AFG2B: variants seen among roughly 807,000 people sequenced by gnomAD.
The protein encoded by AFG2B is ATPase family gene 2 protein homolog B.
chr15:45,411,450 T>TG, the AFG2B span, among the ~76,000 whole-genome samples: 1 of 152,130 alleles, frequency 6.6e-6, no homozygotes, highest in Non-Finnish European at 1.5e-5. Context: ...ACCAAGTAGC[T>TG]GGGACTACAG....
At chr15:45,420,467 C>T in the AFG2B span, among the ~76,000 whole-genome samples, 1 of 152,196 alleles carries the variant, frequency 6.6e-6, no homozygotes, top group African/African-American at 2.4e-5. Flanking sequence ...TTTAAAAATA[C>T]ATATGGGTTC....
the AFG2B span, among the ~76,000 whole-genome samples, chr15:45,409,434 A>G: frequency 6.6e-6 from 1 of 151,774 alleles, no homozygotes; most frequent in African/African-American, 2.4e-5. Context: ...GAGAGAACAC[A>G]GCTTCATATT....
At chr15:45,406,546 A>G in the AFG2B span, among the ~76,000 whole-genome samples, 2 of 152,192 alleles carry the variant, frequency 1.3e-5, no homozygotes, top group Non-Finnish European at 2.9e-5. Context: ...TTTCCTAACA[A>G]TATTTAAGAT....
chr15:45,412,190 C>T, the AFG2B span, among the ~76,000 whole-genome samples: 2 of 151,856 alleles, frequency 1.3e-5, no homozygotes, highest in Non-Finnish European at 2.9e-5. Flanking sequence ...ATCACGAGGT[C>T]AGGAGTTCAA....
the AFG2B span, among the ~76,000 whole-genome samples, chr15:45,404,149 A>T: frequency 6.6e-6 from 1 of 152,174 alleles, no homozygotes; most frequent in South Asian, 2.1e-4. Context: ...GAACAGTTTG[A>T]AATTTAGTGA....
At chr15:45,407,865 G>A in the AFG2B span, among the ~76,000 whole-genome samples, 2 of 152,128 alleles carry the variant, frequency 1.3e-5, no homozygotes, top group African/African-American at 4.8e-5. Flanking sequence ...AAAAAAATGT[G>A]TTTCACTAGA....
the AFG2B span, chr15:45,418,438 C>T: frequency 2.1e-6 from 2 of 948,076 alleles, no homozygotes; most frequent in Non-Finnish European, 3.0e-6. Context: ...TCTTTCTAAC[C>T]CCTATATATA....
the AFG2B span, chr15:45,402,368 G>A: frequency 1.9e-6 from 3 of 1,550,834 alleles, no homozygotes; most frequent in South Asian, 1.2e-5. Context: ...TCGGTGTTCC[G>A]CTTTTTGTGG....
At chr15:45,417,322 C>T in the AFG2B span, 3 of 1,613,944 alleles carry the variant, frequency 1.9e-6, no homozygotes, top group Admixed American at 5.0e-5. Flanking sequence ...AACAAATAGA[C>T]CTGATGTGTT....
chr15:45,405,281 A>G, the AFG2B span: 5 of 1,562,452 alleles, frequency 3.2e-6, no homozygotes, highest in South Asian at 1.1e-5. Context: ...TTTAAACTAT[A>G]TACTTCTTCT....
At chr15:45,402,504 C>T in the AFG2B span, 2 of 1,608,522 alleles carry the variant, frequency 1.2e-6, no homozygotes, top group Non-Finnish European at 1.7e-6. Flanking sequence ...GAGACCGGGG[C>T]ACCCAGCGCT....
At chr15:45,420,486 C>T in the AFG2B span, among the ~76,000 whole-genome samples, 1 of 152,156 alleles carries the variant, frequency 6.6e-6, no homozygotes, top group South Asian at 2.1e-4. Flanking sequence ...TCATAAAATA[C>T]ATATTAATCT....
At chr15:45,409,577 G>A in the AFG2B span, among the ~76,000 whole-genome samples, 22 of 151,498 alleles carry the variant, frequency 1.5e-4, no homozygotes, top group African/African-American at 5.3e-4. Flanking sequence ...ACTTGAACAT[G>A]AGTTTGAACA....
chr15:45,402,951 C>A, the AFG2B span: 1 of 1,597,466 alleles, frequency 6.3e-7, no homozygotes, highest in South Asian at 1.1e-5. Context: ...GTCCCGATCC[C>A]GCTGGGCTGG....
At chr15:45,404,773 A>G in the AFG2B span, among the ~76,000 whole-genome samples, 8 of 147,458 alleles carry the variant, frequency 5.4e-5, no homozygotes, top group South Asian at 1.5e-3. Context: ...TGCCCGCTGC[A>G]CTCCAGACTG....
chr15:45,404,816 A>AG, the AFG2B span, among the ~76,000 whole-genome samples: 15 of 150,954 alleles, frequency 9.9e-5, no homozygotes, highest in Non-Finnish European at 1.9e-4. Context: ...TCAAAAAAAA[A>AG]AAAAAAAGAA....
chr15:45,403,444 G>T, the AFG2B span: 3 of 1,609,312 alleles, frequency 1.9e-6, no homozygotes, highest in South Asian at 2.2e-5. Context: ...CCGCGAGGTC[G>T]TGGTTGTGGG....
chr15:45,418,676 C>T, the AFG2B span: 1 of 1,602,050 alleles, frequency 6.2e-7, no homozygotes, highest in Non-Finnish European at 8.5e-7. Flanking sequence ...GAAACCTCTG[C>T]ACAGAAGTAA....
At chr15:45,418,582 G>A in the AFG2B span, 1 of 1,612,412 alleles carries the variant, frequency 6.2e-7, no homozygotes, top group South Asian at 1.1e-5. Context: ...TTAAAAGTCT[G>A]TACAAAAACC....
Sources: gnomAD v4.1 joint callset for allele counts (sites outside exome capture counted in the v4.1 genomes callset) on GRCh38, gnomAD v4.1.1 for gene constraint, MANE v1.5 for transcripts, NCBI Gene and HGNC (gene_info 2026-07-23, HGNC 2026-07-21) for gene names.